Variants in SOX2 observed in about 807,000 individuals in gnomAD.
SOX2 encodes transcription factor SOX-2.
A neutral mutation model predicts 19.7 loss-of-function variants in SOX2; 2 were observed. The ratio of observed to expected loss-of-function variants is 0.10; its 90% CI spans 0.04 to 0.32. The LOEUF (loss-of-function observed/expected upper bound fraction) is 0.32, where lower values mean the gene tolerates loss of function less well. Ranked by LOEUF, SOX2 falls within the 10% of genes least tolerant of loss-of-function variation. The pLI is 1.00. For missense variants in SOX2, 294 were observed against 459.9 expected (o/e 0.64, Z 3.30); for synonymous variants, 211 against 196.8 (o/e 1.07, Z -0.60).
At position 181,712,405 on chromosome 3, in the gene SOX2, G is replaced by A. The variant is rs776333710; in HGVS notation, c.45G>A (p.Gln15=). The A allele has an allele frequency of 3.1e-5, 49 of 1,588,278 alleles. No homozygotes were observed. The Admixed American group carries it at 8.6e-4, about 28-fold the overall frequency. Residue 15 remains glutamine (Q), a synonymous_variant, in exon 1 of 1, where the codon CAG becomes CAA. Coordinates refer to ENST00000325404, the MANE Select transcript of SOX2 (RefSeq NM_003106.4). This position sits in a 1 kb window ranked among gnomAD's most constrained non-coding sequence, Gnocchi z 8.5. ...METELKPPGP[Q]QTSGGGGGNS... ...CGGAGCTGAAGCCGCCGGGCCCGCA[G>A]CAAACTTCGGGGGGCGGCGGCGGCA...
chr3:181,713,007 A>T lies in SOX2; in HGVS notation c.647A>T (p.Tyr216Phe). 1 of 1,613,924 alleles carries T rather than the reference A, an allele frequency of 6.2e-7. No homozygotes were observed. The highest frequency in any genetic ancestry group is 1.3e-5 in the African/African-American group (1 of 75,056). The change falls in exon 1 of 1, where the codon TAC becomes TTC. Residue 216 changes from tyrosine (Y) to phenylalanine (F), a missense_variant. Coordinates refer to ENST00000325404, the MANE Select transcript of SOX2 (RefSeq NM_003106.4). Reference sequence around the variant, plus strand: ...AACTCCATGACCAGCTCGCAGACCTACATGAACGGCTCGCCCACCTACAGC... The same window carrying T: ...AACTCCATGACCAGCTCGCAGACCTTCATGAACGGCTCGCCCACCTACAGC... ...QYNSMTSSQT[Y>F]MNGSPTYSMS...
In SOX2 at chr3:181,713,036, T is replaced by A. The variant is rs1305940367; in HGVS notation, c.676T>A (p.Ser226Thr). 6.2e-7 allele frequency: 1 copy of A among 1,613,696 alleles called. No homozygotes were observed. The highest frequency in any genetic ancestry group is 1.1e-5 in the South Asian group (1 of 91,076). ...YMNGSPTYSM[S>T]YSQQGTPGMA... Reference sequence around the variant, plus strand: ...GAACGGCTCGCCCACCTACAGCATGTCCTACTCGCAGCAGGGCACCCCTGG... The same window carrying A: ...GAACGGCTCGCCCACCTACAGCATGACCTACTCGCAGCAGGGCACCCCTGG... Residue 226 changes from serine to threonine, a missense_variant, in exon 1 of 1, where the codon TCC (serine) becomes ACC (threonine). By Grantham distance (58) the Ser-to-Thr change is moderately conservative. Around this residue, in one of 3 missense-constraint regions of SOX2, gnomAD observed 223 missense variants for 292.7 expected, o/e 0.76. Transcript: ENST00000325404.
In SOX2 at chr3:181,714,022, T is replaced by C. The variant is rs1358759659; in HGVS notation, c.*708T>C. 1 of 244,328 alleles carries C rather than the reference T, an allele frequency of 4.1e-6. No homozygotes were observed. The highest frequency in any genetic ancestry group is 2.2e-5 in the African/African-American group (1 of 45,130). 15.1% of individuals were successfully genotyped at this position (244,328 alleles called of 1,614,324 possible). The stretch of plus-strand genomic sequence containing the variant: ...AAGTACTGGCGAACCATCTCTGTGG[T>C]CTTGTTTAAAAAGGGCAAAAGTTTT... On this transcript the variant is annotated 3_prime_UTR_variant, in exon 1 of 1. Transcript: ENST00000325404.
At position 181,713,155 on chromosome 3, in the gene SOX2, C is replaced by T. The variant is rs1163736955; in HGVS notation, c.795C>T (p.Cys265=). The change falls in exon 1 of 1, where the codon TGC becomes TGT. Residue 265 remains cysteine (C), a synonymous_variant. Coordinates refer to ENST00000325404, the MANE Select transcript of SOX2 (RefSeq NM_003106.4). ...CTTCCTCCCACTCCAGGGCGCCCTG[C>T]CAGGCCGGGGACCTCCGGGACATGA... is the stretch of plus-strand genomic sequence containing the variant. ...VTSSSHSRAP[C]QAGDLRDMIS... 9.3e-6 allele frequency: 15 copies of T among 1,613,494 alleles called. No homozygotes were observed. Among genetic ancestry groups the T allele is most frequent in the Non-Finnish European group, 1.3e-5 (15 of 1,180,028 alleles).
Position 181,714,287 on chromosome 3 carries a change from C to T in SOX2, c.*973C>T. The T allele has an allele frequency of 4.2e-6, 1 of 237,584 alleles. No homozygotes were observed. The highest frequency in any genetic ancestry group is 9.0e-6 in the Non-Finnish European group (1 of 111,692). The allele number at this position is 237,584 out of a possible 1,614,324, so 14.7% of individuals were successfully genotyped here. A position where few individuals can be genotyped will look rare whatever the true frequency, so the allele number is the denominator to read the frequency against. ...TTCCGTAGTTGTATTTTAAAAGATT[C>T]GGCTCTGTATTATTTGAATCAGTCT... On this transcript the variant is annotated 3_prime_UTR_variant, in exon 1 of 1. Transcript: ENST00000325404.
rs1714930505 is a variant in SOX2, at chr3:181,714,375, A to C, written c.*1061A>C. The C allele has an allele frequency of 4.2e-6, 1 of 235,862 alleles. No homozygotes were observed. The allele number at this position is 235,862 out of a possible 1,614,324, so 14.6% of individuals were successfully genotyped here. ...CTTATAACAGGTACATTTTCAACTTAAGTTTTTACTCCATTATGCACAGTT... is the reference window on the plus strand; with the variant it reads ...CTTATAACAGGTACATTTTCAACTTCAGTTTTTACTCCATTATGCACAGTT... On this transcript the variant is annotated 3_prime_UTR_variant, in exon 1 of 1. Coordinates refer to ENST00000325404, the MANE Select transcript of SOX2 (RefSeq NM_003106.4).
At position 181,713,395 on chromosome 3, in the gene SOX2, AG is replaced by A. The variant is rs527805305; in HGVS notation, c.*82del. On this transcript the variant is annotated 3_prime_UTR_variant, in exon 1 of 1. Transcript: ENST00000325404. ...GGGAGGGGTGCAAAAGAGGAGAGTA[AG>A]AAACAGCATGGAGAAAACCCGGTAC... The A allele has an allele frequency of 1.1e-4, 164 of 1,526,114 alleles. No homozygotes were observed. The African/African-American group carries it at 2.1e-3, about 19-fold the overall frequency. 94.5% of individuals were successfully genotyped at this position (1,526,114 alleles called of 1,614,324 possible).
chr3:181,713,438 G>GAAA lies in SOX2; in HGVS notation c.*133_*135dup. On this transcript the variant is annotated 3_prime_UTR_variant, in exon 1 of 1. Transcript: ENST00000325404. Reference sequence around the variant, plus strand: ...ACCCGGTACGCTCAAAAAGAAAAAGGAAAAAAAAAAATCCCATCACCCACA... The same window carrying GAAA: ...ACCCGGTACGCTCAAAAAGAAAAAGGAAAAAAAAAAAAAATCCCATCACCCACA... The GAAA allele has an allele frequency of 9.3e-7, 1 of 1,070,988 alleles. No individual in the cohort carries two copies. Among genetic ancestry groups the GAAA allele is most frequent in the Non-Finnish European group, 1.3e-6 (1 of 770,994 alleles). The allele number at this position is 1,070,988 out of a possible 1,614,324, so 66.3% of individuals were successfully genotyped here. A position where few individuals can be genotyped will look rare whatever the true frequency, so the allele number is the denominator to read the frequency against.
chr3:181,713,756 A>C lies in SOX2; in HGVS notation c.*442A>C. 3.5e-6 allele frequency: 1 copy of C among 289,830 alleles called. No individual in the cohort carries two copies. The allele number at this position is 289,830 out of a possible 1,614,324, so 18.0% of individuals were successfully genotyped here. On this transcript the variant is annotated 3_prime_UTR_variant, in exon 1 of 1. Transcript: ENST00000325404. ...TTTAGAGCTAGTCTCCAAGCGACGA[A>C]AAAAATGTTTTAATATTTGCAAGCA...
Position 181,712,395 on chromosome 3 carries a change from C to G in SOX2, c.35C>G (p.Pro12Arg), listed in dbSNP as rs1386727504. The part of the protein sequence containing the change: ...YNMMETELKP[P>R]GPQQTSGGGG... ...ATGATGGAGACGGAGCTGAAGCCGC[C>G]GGGCCCGCAGCAAACTTCGGGGGGC... is the stretch of plus-strand genomic sequence containing the variant. Residue 12 changes from proline to arginine, a missense_variant, in exon 1 of 1, where the codon CCG becomes CGG. Pro to Arg is a moderately radical substitution (Grantham distance 103). Coordinates refer to ENST00000325404, the MANE Select transcript of SOX2 (RefSeq NM_003106.4). The surrounding 1 kb of genome is among the most constrained non-coding windows in gnomAD (Gnocchi z 8.5). 6.3e-7 allele frequency: 1 copy of G among 1,575,494 alleles called. No homozygotes were observed. Among genetic ancestry groups the G allele is most frequent in the Admixed American group, 1.9e-5 (1 of 54,036 alleles).
Position 181,714,124 on chromosome 3 carries a change from T to C in SOX2, c.*810T>C, listed in dbSNP as rs974921312. ...GGTTGACACCGTTGGTAATTTATAA[T>C]AGCTTTTGTTCGATCCCAACTTTCC... On this transcript the variant is annotated 3_prime_UTR_variant, in exon 1 of 1. Transcript: ENST00000325404. 1.2e-5 allele frequency: 3 copies of C among 244,310 alleles called. No homozygotes were observed. Among genetic ancestry groups the C allele is most frequent in the Non-Finnish European group, 2.6e-5 (3 of 115,918 alleles). 15.1% of individuals were successfully genotyped at this position (244,310 alleles called of 1,614,324 possible).
At position 181,714,431 on chromosome 3, in the gene SOX2, CTG is replaced by C. The variant is rs1296974077; in HGVS notation, c.*1118_*1119del. On this transcript the variant is annotated 3_prime_UTR_variant, in exon 1 of 1. Transcript: ENST00000325404. Reference sequence around the variant, plus strand: ...TAAATAAATTTTTGAAATATGGACACTGAAATTATTCTTGAGTCTTTCATTTA... The same window carrying C: ...TAAATAAATTTTTGAAATATGGACACAAATTATTCTTGAGTCTTTCATTTA... The C allele has an allele frequency of 9.0e-6, 2 of 221,232 alleles. No homozygotes were observed. The highest frequency in any genetic ancestry group is 4.6e-5 in the African/African-American group (2 of 43,868). The allele number at this position is 221,232 out of a possible 1,614,324, so 13.7% of individuals were successfully genotyped here. A position where few individuals can be genotyped will look rare whatever the true frequency, so the allele number is the denominator to read the frequency against.
Position 181,712,834 on chromosome 3 carries a change from C to G in SOX2, c.474C>G (p.Asp158Glu), listed in dbSNP as rs1714858289. Reference sequence around the variant, plus strand: ...GCGCGGGCGTGAACCAGCGCATGGACAGTTACGCGCACATGAACGGCTGGA... The same window carrying G: ...GCGCGGGCGTGAACCAGCGCATGGAGAGTTACGCGCACATGAACGGCTGGA... ...GLGAGVNQRM[D>E]SYAHMNGWSN... Residue 158 changes from aspartate (D) to glutamate (E), a missense_variant, in exon 1 of 1, where the codon GAC becomes GAG. Physicochemically the swap from Asp to Glu is conservative, Grantham distance 45. Transcript: ENST00000325404. This position sits in a 1 kb window ranked among gnomAD's most constrained non-coding sequence, Gnocchi z 8.5. 1 of 1,606,104 alleles carries G rather than the reference C, an allele frequency of 6.2e-7. No individual in the cohort carries two copies. Among genetic ancestry groups the G allele is most frequent in the Non-Finnish European group, 8.5e-7 (1 of 1,176,814 alleles).
rs1714881452 is a variant in SOX2, at chr3:181,713,273, G to C, written c.913G>C (p.Gly305Arg). The change falls in exon 1 of 1, where the codon GGC (glycine) becomes CGC (arginine). Residue 305 changes from glycine (G) to arginine (R), a missense_variant. Coordinates refer to ENST00000325404, the MANE Select transcript of SOX2 (RefSeq NM_003106.4). ...SQHYQSGPVP[G>R]TAINGTLPLS... is the part of the protein sequence containing the mutation. ...GCACTACCAGAGCGGCCCGGTGCCC[G>C]GCACGGCCATTAACGGCACACTGCC... 2.5e-6 allele frequency: 4 copies of C among 1,599,704 alleles called. No individual in the cohort carries two copies. Among genetic ancestry groups the C allele is most frequent in the South Asian group, 1.1e-5 (1 of 89,490 alleles).
chr3:181,712,800 C>G lies in SOX2; in HGVS notation c.440C>G (p.Ala147Gly). 2 of 1,600,896 alleles carry G rather than the reference C, an allele frequency of 1.2e-6. No individual in the cohort carries two copies. The highest frequency in any genetic ancestry group is 1.7e-6 in the Non-Finnish European group (2 of 1,174,150). The change falls in exon 1 of 1, where the codon GCC (alanine) becomes GGC (glycine). Residue 147 changes from alanine (A) to glycine (G), a missense_variant. Ala to Gly is a moderately conservative substitution (Grantham distance 60). Coordinates refer to ENST00000325404, the MANE Select transcript of SOX2 (RefSeq NM_003106.4). The surrounding 1 kb of genome is among the most constrained non-coding windows in gnomAD (Gnocchi z 8.5). Reference protein sequence around the residue: ...NSMASGVGVGAGLGAGVNQRM... With the variant: ...NSMASGVGVGGGLGAGVNQRM... ...ATGGCGAGCGGGGTCGGGGTGGGCG[C>G]CGGCCTGGGCGCGGGCGTGAACCAG... is the stretch of plus-strand genomic sequence containing the variant.
Position 181,712,627 on chromosome 3 carries a change from G to C in SOX2, c.267G>C (p.Pro89=). 2.5e-6 allele frequency: 4 copies of C among 1,614,220 alleles called. No individual in the cohort carries two copies. Among genetic ancestry groups the C allele is most frequent in the East Asian group, 4.5e-5 (2 of 44,866 alleles). The stretch of plus-strand genomic sequence containing the variant: ...TTTTGTCGGAGACGGAGAAGCGGCC[G>C]TTCATCGACGAGGCTAAGCGGCTGC... ...WKLLSETEKR[P]FIDEAKRLRA... Residue 89 remains proline (P), a synonymous_variant, in exon 1 of 1, where the codon CCG becomes CCC. Transcript: ENST00000325404. This position sits in a 1 kb window ranked among gnomAD's most constrained non-coding sequence, Gnocchi z 8.5.
chr3:181,713,197 C>T lies in SOX2; in HGVS notation c.837C>T (p.Pro279=), dbSNP rs759723764. ...DLRDMISMYL[P]GAEVPEPAAP... ...GGGACATGATCAGCATGTATCTCCC[C>T]GGCGCCGAGGTGCCGGAACCCGCCG... The change falls in exon 1 of 1, where the codon CCC becomes CCT. Residue 279 remains proline, a synonymous_variant. Coordinates refer to ENST00000325404, the MANE Select transcript of SOX2 (RefSeq NM_003106.4). 6 of 1,613,090 alleles carry T rather than the reference C, an allele frequency of 3.7e-6. No individual in the cohort carries two copies. The highest frequency in any genetic ancestry group is 1.7e-4 in the Middle Eastern group (1 of 6,060).
chr3:181,713,609 G>T lies in SOX2; in HGVS notation c.*295G>T. The T allele has an allele frequency of 2.4e-6, 1 of 424,578 alleles. No homozygotes were observed. The highest frequency in any genetic ancestry group is 4.6e-6 in the Non-Finnish European group (1 of 219,330). The allele number at this position is 424,578 out of a possible 1,614,324, so 26.3% of individuals were successfully genotyped here. ...ACAGAGAAAACCTGGGGAGGGTGGG[G>T]AGGGCGGGGGAATGGACCTTGTATA... On this transcript the variant is annotated 3_prime_UTR_variant, in exon 1 of 1. Coordinates refer to ENST00000325404, the MANE Select transcript of SOX2 (RefSeq NM_003106.4).
chr3:181,712,909 C>G lies in SOX2; in HGVS notation c.549C>G (p.His183Gln). Residue 183 changes from histidine (H) to glutamine (Q), a missense_variant, in exon 1 of 1, where the codon CAC (histidine) becomes CAG (glutamine). This residue lies in a region of SOX2 where 223 missense variants were observed against 292.7 expected (regional missense o/e 0.76). Transcript: ENST00000325404. The surrounding 1 kb of genome is among the most constrained non-coding windows in gnomAD (Gnocchi z 8.5). ...MMQDQLGYPQ[H>Q]PGLNAHGAAQ... is the part of the protein sequence containing the mutation. ...AGGACCAGCTGGGCTACCCGCAGCA[C>G]CCGGGCCTCAATGCGCACGGCGCAG... 6.2e-7 allele frequency: 1 copy of G among 1,613,214 alleles called. No homozygotes were observed. Among genetic ancestry groups the G allele is most frequent in the Non-Finnish European group, 8.5e-7 (1 of 1,179,776 alleles).
Sources: gnomAD v4.1 joint callset for allele counts on GRCh38, gnomAD v4.1.1 for gene constraint, gnomAD v4.1.1 regional missense constraint, Gnocchi (gnomAD v3.1) non-coding constraint, MANE v1.5 for transcripts, NCBI Gene and HGNC (gene_info 2026-07-23, HGNC 2026-07-21) for gene names.